DEAF1: variants seen among roughly 807,000 people sequenced by gnomAD.
DEAF1 encodes DEAF1 transcription factor.
Under a neutral mutation model 58.9 loss-of-function variants are expected in DEAF1, and 53 were observed. The ratio of observed to expected loss-of-function variants is 0.90; its 90% CI spans 0.72 to 1.13. DEAF1 has a LOEUF of 1.13. Ranked by LOEUF, DEAF1 falls within the 50% of genes most tolerant of loss-of-function variation. DEAF1 has a pLI of 0.00. For missense variants in DEAF1, 685 were observed against 791.4 expected (o/e 0.87, Z 1.61); for synonymous variants, 385 against 340.4 (o/e 1.13, Z -1.44).
At chr11:665,664 C>T (rs1355654192) in intron 10 of DEAF1, among the ~76,000 whole-genome samples, 5 of 152,184 alleles carry the variant, frequency 3.3e-5, no homozygotes, top group African/African-American at 7.2e-5. Flanking sequence ...ACCCAGCTGA[C>T]GCAGCAGCAT....
intron 10 of DEAF1, among the ~76,000 whole-genome samples, chr11:658,082 T>G (rs1419642397): frequency 6.6e-6 from 1 of 152,200 alleles, no homozygotes; most frequent in African/African-American, 2.4e-5. Flanking sequence ...GCGCTCACTT[T>G]GCAACTTTTC....
At chr11:689,576 T>C (rs528945120) in intron 2 of DEAF1, 5 of 152,214 alleles carry the variant, frequency 3.3e-5, no homozygotes, top group African/African-American at 9.6e-5. Flanking sequence ...AAGTTTATCA[T>C]GGAGTGGAGG....
chr11:683,557 A>ATTTCAAAACTGTTTTGGCTTTTTTG lies in DEAF1; in HGVS notation c.870+1316_870+1340dup, dbSNP rs547349338. ...GTGATTCCACCCATTTTAAACTTTT[A>ATTTCAAAACTGTTTTGGCTTTTTTG]TTTCAAAACTGTTTTGGCTTTTTTG... On this transcript the variant is annotated intron_variant, in intron 6 of 11. Coordinates refer to ENST00000382409, the MANE Select transcript of DEAF1 (RefSeq NM_021008.4). Among the ~76,000 whole-genome samples the ATTTCAAAACTGTTTTGGCTTTTTTG allele has an allele frequency of 5.6e-3, 858 of 152,148 alleles. 4 individuals are homozygous for ATTTCAAAACTGTTTTGGCTTTTTTG. The highest frequency in any genetic ancestry group is 9.2e-3 in the Admixed American group (141 of 15,258).
At chr11:646,234 CAG>C (rs1163001694) in intron 11 of DEAF1, 1 of 115,154 alleles carries the variant, frequency 8.7e-6, no homozygotes, top group Non-Finnish European at 1.6e-5. Context: ...GCCCGGGCGA[CAG>C]AGTGAGACTA....
At chr11:695,568 C>T (rs1861090493), upstream of DEAF1, 9 of 1,230,662 alleles carry the variant, frequency 7.3e-6, no homozygotes, top group Non-Finnish European at 9.2e-6. Flanking sequence ...CCGAGTCAGC[C>T]CGAGGCCGAG....
rs1235065431 is a variant in DEAF1, at chr11:688,633, G to C, written c.388-173C>G. On this transcript the variant is annotated intron_variant, in intron 2 of 11. Transcript: ENST00000382409. This position sits in a 1 kb window ranked among gnomAD's most constrained non-coding sequence, Gnocchi z 4.3. Reference sequence around the variant, plus strand: ...GATACCTCTCAAAGACTTGAAAACAGAGCCAAGAACAAGAACAGACAATGC... The same window carrying C: ...GATACCTCTCAAAGACTTGAAAACACAGCCAAGAACAAGAACAGACAATGC... Among the ~76,000 whole-genome samples the C allele has an allele frequency of 6.6e-6, 1 of 152,200 alleles. No individual in the cohort carries two copies. The highest frequency in any genetic ancestry group is 1.5e-5 in the Non-Finnish European group (1 of 68,034).
chr11:656,965 TC>T (rs1859089374), intron 10 of DEAF1, among the ~76,000 whole-genome samples: 1 of 152,140 alleles, frequency 6.6e-6, no homozygotes, highest in South Asian at 2.1e-4. Context: ...ACTCATGTTC[TC>T]TTCACAGATA....
intron 2 of DEAF1, among the ~76,000 whole-genome samples, chr11:691,118 G>T (rs1466321405): frequency 6.6e-6 from 1 of 152,236 alleles, no homozygotes; most frequent in South Asian, 2.1e-4. Context: ...AACAGGATAT[G>T]GGGGAGGGAA....
At chr11:673,787 G>C (rs940186961) in intron 10 of DEAF1, among the ~76,000 whole-genome samples, 7 of 152,050 alleles carry the variant, frequency 4.6e-5, no homozygotes, top group African/African-American at 1.7e-4. Flanking sequence ...CCTGTCTGCT[G>C]GGTTTGGGCT....
At chr11:662,278 GTC>G (rs1859352177) in intron 10 of DEAF1, among the ~76,000 whole-genome samples, 1 of 152,102 alleles carries the variant, frequency 6.6e-6, no homozygotes, top group African/African-American at 2.4e-5. Flanking sequence ...GCAAGATTCC[GTC>G]TCATAAAACA....
chr11:655,917 C>T (rs570164794), intron 10 of DEAF1, among the ~76,000 whole-genome samples: 1 of 152,082 alleles, frequency 6.6e-6, no homozygotes, highest in Non-Finnish European at 1.5e-5. Flanking sequence ...ACTGCAACCT[C>T]CACCTCCTGG....
At chr11:669,581 AGCCGAGATTGT>A (rs1859713833) in intron 10 of DEAF1, among the ~76,000 whole-genome samples, 1 of 151,758 alleles carries the variant, frequency 6.6e-6, no homozygotes, top group South Asian at 2.1e-4. Context: ...GGTTATGGCG[AGCCGAGATTGT>A]GCCATTGGAT....
At chr11:701,691 G>A (rs991244708) in intron 1 of DEAF1, among the ~76,000 whole-genome samples, 2 of 151,840 alleles carry the variant, frequency 1.3e-5, no homozygotes, top group East Asian at 3.9e-4. Flanking sequence ...TTACAGGCGT[G>A]AGCCACCGCG....
intron 11 of DEAF1, among the ~76,000 whole-genome samples, chr11:653,123 G>A (rs1242082098): frequency 6.9e-6 from 1 of 144,218 alleles, no homozygotes; most frequent in Non-Finnish European, 1.5e-5. Flanking sequence ...GTGACTAAAT[G>A]CTCCCGAGTA....
At chr11:703,548 T>A in intron 1 of DEAF1, 14 of 1,233,932 alleles carry the variant, frequency 1.1e-5, no homozygotes, top group Non-Finnish European at 1.4e-5. Context: ...CATCACCCCC[T>A]AGTTCCCCAA....
chr11:646,673 T>C (rs1201077898), intron 11 of DEAF1: 1 of 152,230 alleles, frequency 6.6e-6, no homozygotes, highest in Non-Finnish European at 1.5e-5. Context: ...AAATCAGAAC[T>C]ACTCAGTTCT....
At chr11:689,298 C>T (rs1165699500) in intron 2 of DEAF1, among the ~76,000 whole-genome samples, 2 of 149,940 alleles carry the variant, frequency 1.3e-5, no homozygotes, top group African/African-American at 2.5e-5. Context: ...CTCCGCCTCC[C>T]GGGTTCACGC....
In DEAF1 at chr11:694,698, C is replaced by T. The variant is rs953903970; in HGVS notation, c.289+61G>A. The T allele has an allele frequency of 1.7e-4, 215 of 1,272,644 alleles. No homozygotes were observed. In the East Asian group the frequency reaches 6.9e-3, roughly 41 times the overall value. 78.8% of individuals were successfully genotyped at this position (1,272,644 alleles called of 1,614,324 possible). ...GGTCACCTGGGACAGTTGTGCGGGG[C>T]AGGCGCGCGGGGTAGGCGCGCGGGA... On this transcript the variant is annotated intron_variant, in intron 1 of 11. Coordinates refer to ENST00000382409, the MANE Select transcript of DEAF1 (RefSeq NM_021008.4).
intron 11 of DEAF1, among the ~76,000 whole-genome samples, chr11:649,965 G>A (rs1858684553): frequency 1.3e-5 from 2 of 152,142 alleles, no homozygotes; most frequent in Non-Finnish European, 2.9e-5. Context: ...CGTTGAGGTT[G>A]CAGTGGGCTG....
Sources: gnomAD v4.1 joint callset for allele counts (sites outside exome capture counted in the v4.1 genomes callset) on GRCh38, gnomAD v4.1.1 for gene constraint, Gnocchi (gnomAD v3.1) non-coding constraint, MANE v1.5 for transcripts, NCBI Gene and HGNC (gene_info 2026-07-23, HGNC 2026-07-21) for gene names.